ARL15: variants seen among roughly 807,000 people sequenced by gnomAD.
ARL15 encodes the protein ARF like GTPase 15, also known as ADP-ribosylation factor-like protein 15.
ARL15 carries 19 observed loss-of-function variants against 25.2 expected under a neutral mutation model. The ratio of observed to expected loss-of-function variants is 0.75; its 90% CI spans 0.53 to 1.10. ARL15 has a LOEUF of 1.10. ARL15 is among the 50% of genes least tolerant of loss of function. The probability of loss-of-function intolerance (pLI) is 0.00; values close to 1 mark genes in which losing one functional copy is unlikely to be tolerated. For missense variants in ARL15, 220 were observed against 246.0 expected, an observed-to-expected ratio of 0.89 and a Z score of 0.71; for synonymous variants, 94 against 86.8, an observed-to-expected ratio of 1.08 and a Z score of -0.46.
chr5:54,202,971 A>C (rs1755763521), intron 1 of ARL15, among the ~76,000 whole-genome samples: 1 of 152,178 alleles, frequency 6.6e-6, no homozygotes, highest in Admixed American at 6.5e-5. Context: ...TTTCCATTAT[A>C]AGGATAGAAA....
At chr5:54,231,218 T>C (rs548314837) in intron 1 of ARL15, among the ~76,000 whole-genome samples, 1 of 152,274 alleles carries the variant, frequency 6.6e-6, no homozygotes, top group South Asian at 2.1e-4. Context: ...TGAACAAGGA[T>C]CACCCACCTA....
chr5:54,125,081 T>C (rs1178517455), intron 3 of ARL15, among the ~76,000 whole-genome samples: 1 of 148,574 alleles, frequency 6.7e-6, no homozygotes, highest in Admixed American at 6.7e-5. Context: ...TTTTGTTTTG[T>C]TTTGTTTTTT....
chr5:54,209,910 T>C (rs1406305828), intron 1 of ARL15, among the ~76,000 whole-genome samples: 1 of 152,176 alleles, frequency 6.6e-6, no homozygotes, highest in Non-Finnish European at 1.5e-5. Flanking sequence ...ACATGGCAAC[T>C]TTCTCTTCAA....
chr5:54,034,249 G>A (rs1029857597), intron 4 of ARL15, among the ~76,000 whole-genome samples: 17 of 152,174 alleles, frequency 1.1e-4, no homozygotes, highest in Non-Finnish European at 2.4e-4. Context: ...AATCCATTTT[G>A]TTGTGGATTG....
At chr5:53,975,340 C>A (rs953884343) in intron 4 of ARL15, among the ~76,000 whole-genome samples, 13 of 152,174 alleles carry the variant, frequency 8.5e-5, no homozygotes, top group African/African-American at 3.1e-4. Context: ...CTGTCCATTG[C>A]TGGAAATATC....
At chr5:54,103,699 C>T (rs1202709429) in intron 4 of ARL15, among the ~76,000 whole-genome samples, 1 of 152,072 alleles carries the variant, frequency 6.6e-6, no homozygotes, top group Non-Finnish European at 1.5e-5. Context: ...TCATCAAAGG[C>T]ACATGCAATT....
In ARL15 at chr5:54,071,352, T is replaced by C. The variant is rs139890221; in HGVS notation, c.462+41850A>G. On this transcript the variant is annotated intron_variant, in intron 4 of 4. Coordinates refer to ENST00000504924, the MANE Select transcript of ARL15 (RefSeq NM_019087.3). ...AAAAATGATGAGAAGCCTGAAAATA[T>C]ACACATTGAACATCTCAAATTTCAA... Among the ~76,000 whole-genome samples, 469 of 152,226 alleles carry C rather than the reference T, an allele frequency of 3.1e-3. 8 individuals are homozygous for C. The highest frequency in any genetic ancestry group is 7.8e-4 in the Non-Finnish European group (53 of 68,010).
At chr5:54,276,929 C>T (rs1056450481) in intron 1 of ARL15, among the ~76,000 whole-genome samples, 1 of 152,192 alleles carries the variant, frequency 6.6e-6, no homozygotes, top group Non-Finnish European at 1.5e-5. Context: ...GCTCTGCCAA[C>T]ACCTTGATTT....
rs1052032650 is a variant in ARL15, at chr5:54,276,398, T to G, written c.48+34034A>C. The stretch of plus-strand genomic sequence containing the variant: ...GTTGCTAGAACCAGTATTTGCAGAG[T>G]GCAAGACTTCCGATCTATCTGACAA... On this transcript the variant is annotated intron_variant, in intron 1 of 4. Coordinates refer to ENST00000504924, the MANE Select transcript of ARL15 (RefSeq NM_019087.3). Among the ~76,000 whole-genome samples, 5 of 152,172 alleles carry G rather than the reference T, an allele frequency of 3.3e-5. 1 individual carries two copies. The highest frequency in any genetic ancestry group is 2.0e-4 in the Admixed American group (3 of 15,278).
chr5:53,956,828 G>T (rs1411073319), intron 4 of ARL15, among the ~76,000 whole-genome samples: 1 of 152,022 alleles, frequency 6.6e-6, no homozygotes, highest in Non-Finnish European at 1.5e-5. Context: ...TCACTAGAGG[G>T]TTTTAATAGC....
At chr5:54,306,565 A>G (rs1320053408) in intron 1 of ARL15, among the ~76,000 whole-genome samples, 1 of 151,724 alleles carries the variant, frequency 6.6e-6, no homozygotes, top group Admixed American at 6.6e-5. Flanking sequence ...TAATTTTTCT[A>G]TTTTAAGTGG....
Position 54,113,282 on chromosome 5 carries a change from G to A in ARL15, c.382C>T (p.Gln128Ter), listed in dbSNP as rs1333970865. The A allele has an allele frequency of 1.9e-6, 3 of 1,613,950 alleles. No homozygotes were observed. The highest frequency in any genetic ancestry group is 3.3e-5 in the Admixed American group (2 of 60,032). Residue 128 changes from glutamine (Q) to a stop codon, truncating the protein, a stop_gained, in exon 4 of 5, where the codon CAG (glutamine) becomes TAG (stop). Coordinates refer to ENST00000504924, the MANE Select transcript of ARL15 (RefSeq NM_019087.3). LOFTEE classifies it high-confidence loss of function. ...AARNELHSAL[Q>*]HPQLCTLPFL... ...GGTAAAGTGCATAACTGTGGATGCTGAAGAGCTGAGTGCAGCTCATTTCTA... is the reference window on the plus strand; with the variant it reads ...GGTAAAGTGCATAACTGTGGATGCTAAAGAGCTGAGTGCAGCTCATTTCTA...
intron 4 of ARL15, among the ~76,000 whole-genome samples, chr5:54,070,341 G>A (rs896601297): frequency 2.0e-5 from 3 of 150,952 alleles, no homozygotes; most frequent in East Asian, 2.0e-4. Context: ...GCAGTGAGCC[G>A]AGATCGCGCC....
At chr5:54,189,205 T>C (rs770923037) in intron 1 of ARL15, among the ~76,000 whole-genome samples, 7 of 152,198 alleles carry the variant, frequency 4.6e-5, no homozygotes, top group Non-Finnish European at 7.4e-5. Context: ...CCCATGTTCA[T>C]GGACAAAAGA....
chr5:54,091,122 A>C (rs976126231), intron 4 of ARL15, among the ~76,000 whole-genome samples: 3 of 152,162 alleles, frequency 2.0e-5, no homozygotes, highest in African/African-American at 7.2e-5. Flanking sequence ...CCATGGGGAA[A>C]ATCTTTTTCT....
chr5:54,290,548 C>T (rs755385380), intron 1 of ARL15, among the ~76,000 whole-genome samples: 7 of 151,980 alleles, frequency 4.6e-5, no homozygotes, highest in African/African-American at 9.7e-5. Context: ...TCTCATGATC[C>T]GCCCTCCTTG....
chr5:54,091,364 T>C (rs1332762641), intron 4 of ARL15, among the ~76,000 whole-genome samples: 2 of 152,176 alleles, frequency 1.3e-5, no homozygotes, highest in African/African-American at 4.8e-5. Flanking sequence ...TTTCAGAGAC[T>C]TTATTTCTCA....
intron 4 of ARL15, among the ~76,000 whole-genome samples, chr5:54,002,278 C>T (rs749353111): frequency 1.3e-5 from 2 of 152,058 alleles, no homozygotes; most frequent in African/African-American, 2.4e-5. Flanking sequence ...AGACATCAGT[C>T]GTCCTCTAAA....
chr5:54,249,672 C>CAAA (rs11437578), intron 1 of ARL15, among the ~76,000 whole-genome samples: 21 of 72,604 alleles, frequency 2.9e-4, no homozygotes, highest in East Asian at 7.6e-4. Flanking sequence ...TGGTTAAGAG[C>CAAA]AAAAAAAAAA....
Sources: allele counts gnomAD v4.1 joint callset (sites outside exome capture counted in the v4.1 genomes callset), GRCh38; gene constraint gnomAD v4.1.1; transcripts MANE v1.5; gene names NCBI Gene and HGNC (gene_info 2026-07-23, HGNC 2026-07-21).